The following GRID2 variants were observed in gnomAD, a reference collection of about 807,000 sequenced individuals.
GRID2 encodes the protein glutamate receptor ionotropic, delta-2.
A neutral mutation model predicts 114.8 loss-of-function variants in GRID2; 33 were observed. The observed-to-expected ratio is 0.29, with a 90% confidence interval of 0.22 to 0.38. The LOEUF is 0.38. GRID2 is among the 10% of genes least tolerant of loss of function. The pLI, the probability that GRID2 is intolerant of heterozygous loss-of-function variation, is 1.00. For missense variants in GRID2, 1,184 were observed against 1,257.7 expected (o/e 0.94, Z 0.89); for synonymous variants, 505 against 449.9 (o/e 1.12, Z -1.55).
At chr4:93,310,098 T>G (rs768823104) in intron 8 of GRID2, among the ~76,000 whole-genome samples, 12 of 152,208 alleles carry the variant, frequency 7.9e-5, no homozygotes, top group Non-Finnish European at 1.6e-4. Flanking sequence ...AGTTTTATCT[T>G]GTTTGTTTAT....
At chr4:92,509,574 T>C (rs1367185633) in intron 1 of GRID2, among the ~76,000 whole-genome samples, 1 of 151,910 alleles carries the variant, frequency 6.6e-6, no homozygotes, top group African/African-American at 2.4e-5. Flanking sequence ...GATATAAAAC[T>C]AAATAAAATA....
intron 1 of GRID2, among the ~76,000 whole-genome samples, chr4:92,409,079 C>T (rs1001850022): frequency 1.3e-5 from 2 of 152,056 alleles, no homozygotes; most frequent in African/African-American, 2.4e-5. Flanking sequence ...AGGTTTCTCC[C>T]ATTCTGTATG....
At chr4:92,406,454 C>T (rs1731031194) in intron 1 of GRID2, among the ~76,000 whole-genome samples, 1 of 151,958 alleles carries the variant, frequency 6.6e-6, no homozygotes, top group African/African-American at 2.4e-5. Context: ...TCTTACTGGC[C>T]TAGAACAGAA....
chr4:93,011,498 G>GC lies in GRID2; in HGVS notation c.245-73492dup, dbSNP rs1434422337. Among the ~76,000 whole-genome samples, 3 of 152,034 alleles carry GC rather than the reference G, an allele frequency of 2.0e-5. No homozygotes were observed. In the East Asian group the frequency reaches 5.8e-4, roughly 29 times the overall value. ...ACTTGGTTGGTTCCCCTGGAAACCAGCCCCCATGCTTGGGCTTTCCAGGAG... is the reference window on the plus strand; with the variant it reads ...ACTTGGTTGGTTCCCCTGGAAACCAGCCCCCCATGCTTGGGCTTTCCAGGAG... On this transcript the variant is annotated intron_variant, in intron 2 of 15. Transcript: ENST00000282020.
intron 4 of GRID2, among the ~76,000 whole-genome samples, chr4:93,186,911 T>C (rs867609479): frequency 9.2e-5 from 14 of 152,246 alleles, no homozygotes; most frequent in African/African-American, 1.7e-4. Context: ...CTCACAGTTA[T>C]GGAGGCTAAG....
rs550614679 is a variant in GRID2 at position 93,320,577 on chromosome 4, T to C, written c.1246-75030T>C. Among the ~76,000 whole-genome samples, 268 of 152,210 alleles carry C rather than the reference T, an allele frequency of 1.8e-3. 2 individuals carry two copies. The highest frequency in any genetic ancestry group is 6.0e-3 in the African/African-American group (249 of 41,554). ...GTGGGAATTCTGGAATTCACAGATA[T>C]CTAAGGACTATCTATGGACTAAAGC... On this transcript the variant is annotated intron_variant, in intron 8 of 15. Coordinates refer to ENST00000282020, the MANE Select transcript of GRID2 (RefSeq NM_001510.4).
At chr4:93,778,057 A>G (rs1281387133), downstream of GRID2, among the ~76,000 whole-genome samples, 1 of 152,210 alleles carries the variant, frequency 6.6e-6, no homozygotes, top group Non-Finnish European at 1.5e-5. Context: ...TTCGCTACAC[A>G]AAAGATTCAT....
chr4:93,624,580 C>T (rs909104313), intron 13 of GRID2, among the ~76,000 whole-genome samples: 3 of 151,938 alleles, frequency 2.0e-5, no homozygotes, highest in African/African-American at 7.2e-5. Context: ...ATTGAAAGAT[C>T]ATTTAAAAAT....
chr4:92,821,379 ATAAAGT>A (rs1242063160), intron 2 of GRID2, among the ~76,000 whole-genome samples: 1 of 152,178 alleles, frequency 6.6e-6, no homozygotes, highest in Non-Finnish European at 1.5e-5. Flanking sequence ...TATTTCATAG[ATAAAGT>A]TAAAATGATG....
intron 2 of GRID2, among the ~76,000 whole-genome samples, chr4:92,835,538 C>T (rs1244338756): frequency 6.6e-6 from 1 of 152,028 alleles, no homozygotes; most frequent in Non-Finnish European, 1.5e-5. Context: ...TACCTACTGC[C>T]TTCTACATCA....
chr4:92,730,193 C>T (rs1489260520), intron 2 of GRID2, among the ~76,000 whole-genome samples: 1 of 151,728 alleles, frequency 6.6e-6, no homozygotes, highest in Non-Finnish European at 1.5e-5. Flanking sequence ...ATAATATACT[C>T]CTCAACAATG....
intron 3 of GRID2, among the ~76,000 whole-genome samples, chr4:93,099,489 A>C (rs111612501): frequency 9.9e-4 from 150 of 151,996 alleles, no homozygotes; most frequent in African/African-American, 3.6e-3. Flanking sequence ...CTAATTTTGA[A>C]AATCAGAGAC....
At chr4:92,777,060 C>T (rs1738837787) in intron 2 of GRID2, among the ~76,000 whole-genome samples, 1 of 151,344 alleles carries the variant, frequency 6.6e-6, no homozygotes, top group Non-Finnish European at 1.5e-5. Context: ...GAAGTAAGTC[C>T]TCCGCTCATG....
At chr4:93,212,610 C>T (rs1743669478) in intron 5 of GRID2, among the ~76,000 whole-genome samples, 1 of 152,030 alleles carries the variant, frequency 6.6e-6, no homozygotes, top group Admixed American at 6.6e-5. Context: ...AAGCACAATG[C>T]TTCATATACC....
At chr4:92,943,458 G>T (rs896277191) in intron 2 of GRID2, among the ~76,000 whole-genome samples, 4 of 152,022 alleles carry the variant, frequency 2.6e-5, no homozygotes, top group African/African-American at 9.7e-5. Flanking sequence ...CTCTGCATTG[G>T]TTATTTTATT....
intron 2 of GRID2, among the ~76,000 whole-genome samples, chr4:92,846,360 T>C (rs1217193747): frequency 6.6e-6 from 1 of 152,034 alleles, no homozygotes; most frequent in Non-Finnish European, 1.5e-5. Flanking sequence ...TGTATTGTAC[T>C]CATCTTTATG....
At chr4:93,502,733 CCACA>C (rs147212858) in intron 12 of GRID2, among the ~76,000 whole-genome samples, 14 of 141,242 alleles carry the variant, frequency 9.9e-5, no homozygotes, top group East Asian at 2.2e-4. Context: ...CACACGCACA[CCACA>C]CACACACACA....
chr4:93,535,225 TACACATACACAC>T (rs1468326861), intron 13 of GRID2, among the ~76,000 whole-genome samples: 6 of 91,984 alleles, frequency 6.5e-5, no homozygotes, highest in African/African-American at 2.7e-4. Flanking sequence ...TACACACACA[TACACATACACAC>T]ACACACACAC....
chr4:92,796,212 T>G (rs1465262052), intron 2 of GRID2, among the ~76,000 whole-genome samples: 1 of 150,964 alleles, frequency 6.6e-6, no homozygotes, highest in African/African-American at 2.4e-5. Context: ...ATCTAGAGGC[T>G]GAACTAGAGA....
Sources: gnomAD v4.1 joint callset for allele counts (sites outside exome capture counted in the v4.1 genomes callset) on GRCh38, gnomAD v4.1.1 for gene constraint, MANE v1.5 for transcripts, NCBI Gene and HGNC (gene_info 2026-07-23, HGNC 2026-07-21) for gene names.